The following TRPC4 variants were observed in gnomAD, a reference collection of about 807,000 sequenced individuals.
TRPC4 encodes the protein short transient receptor potential channel 4.
In TRPC4, 49 loss-of-function variants were observed where a neutral mutation model predicts 99.4. The ratio of observed to expected loss-of-function variants is 0.49; its 90% CI spans 0.39 to 0.63. TRPC4 has a LOEUF of 0.63. Among genes scored for constraint, TRPC4 ranks in the 20% least tolerant of loss-of-function variants. The probability of loss-of-function intolerance (pLI) is 0.00; values close to 1 mark genes in which losing one functional copy is unlikely to be tolerated. For synonymous variants in TRPC4, 454 were observed against 425.9 expected, an observed-to-expected ratio of 1.07 and a Z score of -0.81; for missense variants, 898 against 1,152.9, an observed-to-expected ratio of 0.78 and a Z score of 3.20.
intron 1 of TRPC4, among the ~76,000 whole-genome samples, chr13:37,855,181 G>A (rs917856460): frequency 3.3e-5 from 5 of 151,274 alleles, no homozygotes; most frequent in African/African-American, 1.2e-4. Context: ...AAGCAAGCAG[G>A]AGTAGCTACA....
intron 2 of TRPC4, among the ~76,000 whole-genome samples, chr13:37,761,969 C>G (rs2139243308): frequency 6.6e-6 from 1 of 151,882 alleles, no homozygotes; most frequent in East Asian, 1.9e-4. Flanking sequence ...ATATATACAT[C>G]AGGAATAACA....
intron 3 of TRPC4, among the ~76,000 whole-genome samples, chr13:37,729,233 G>A (rs953810254): frequency 6.6e-6 from 1 of 151,984 alleles, no homozygotes; most frequent in Non-Finnish European, 1.5e-5. Flanking sequence ...AAAGAGGCTC[G>A]ACATCATTGC....
chr13:37,651,017 A>G (rs1261768003), intron 8 of TRPC4, among the ~76,000 whole-genome samples: 4 of 152,162 alleles, frequency 2.6e-5, no homozygotes, highest in Non-Finnish European at 5.9e-5. Flanking sequence ...GAACTCAAGG[A>G]GGGCTGTGTG....
intron 1 of TRPC4, among the ~76,000 whole-genome samples, chr13:37,868,754 CCTCT>C (rs1959948217): frequency 6.6e-6 from 1 of 152,062 alleles, no homozygotes; most frequent in Admixed American, 6.5e-5. Context: ...CTGGGAAGGG[CCTCT>C]CTAAGAAGCC....
intron 5 of TRPC4, among the ~76,000 whole-genome samples, chr13:37,665,840 CAA>C (rs1168472231): frequency 0.034 from 2,441 of 70,984 alleles, 29 homozygotes; most frequent in African/African-American, 0.09. Flanking sequence ...TCAGCTGAGA[CAA>C]AAAAAAAAAA....
chr13:37,762,765 C>T (rs903753645), intron 2 of TRPC4, among the ~76,000 whole-genome samples: 1 of 146,072 alleles, frequency 6.8e-6, no homozygotes, highest in Non-Finnish European at 1.5e-5. Context: ...ATACCTAATG[C>T]TAAATGATGA....
chr13:37,733,806 C>T (rs1294943448), intron 3 of TRPC4, among the ~76,000 whole-genome samples: 2 of 152,014 alleles, frequency 1.3e-5, no homozygotes, highest in Non-Finnish European at 2.9e-5. Flanking sequence ...TAAGGTGACA[C>T]TTAGATACGG....
intron 3 of TRPC4, among the ~76,000 whole-genome samples, chr13:37,694,556 A>T (rs922430581): frequency 2.6e-5 from 4 of 151,822 alleles, no homozygotes; most frequent in East Asian, 1.9e-4. Flanking sequence ...AAAATTACCT[A>T]AAAAAAAGCA....
At chr13:37,826,508 G>T (rs1177402846) in intron 1 of TRPC4, among the ~76,000 whole-genome samples, 11 of 149,258 alleles carry the variant, frequency 7.4e-5, no homozygotes, top group East Asian at 2.0e-4. Context: ...GTCTGTAAAG[G>T]ATTTTATTTC....
rs1955721074 is a variant in TRPC4 at position 37,745,458 on chromosome 13, A to ACACACACACT, written c.897+478_897+479insAGTGTGTGTG. ...TGCGTATATATATATATATATATAT[A>ACACACACACT]TATATATATATATATACACACACAC... On this transcript the variant is annotated intron_variant, in intron 3 of 10. Coordinates refer to ENST00000379705, the MANE Select transcript of TRPC4 (RefSeq NM_016179.4). 3.3e-3 allele frequency among the ~76,000 whole-genome samples: 22 copies of ACACACACACT among 6,590 alleles called. 2 individuals carry two copies. Among genetic ancestry groups the ACACACACACT allele is most frequent in the Admixed American group, 0.02 (8 of 410 alleles). 4.3% of individuals were successfully genotyped at this position (6,590 alleles called of 152,430 possible).
At chr13:37,853,495 A>G (rs664377) in intron 1 of TRPC4, among the ~76,000 whole-genome samples, 3,308 of 152,248 alleles carry the variant, frequency 0.022, 76 homozygotes, top group African/African-American at 0.055. Context: ...TAAACACCTA[A>G]CTGTTCAATG....
chr13:37,815,718 A>C (rs571919143), intron 1 of TRPC4, among the ~76,000 whole-genome samples: 1 of 152,088 alleles, frequency 6.6e-6, no homozygotes, highest in South Asian at 2.1e-4. Flanking sequence ...TGAGGCACAA[A>C]ACTAACAAAG....
chr13:37,764,466 T>G (rs1350257256), intron 2 of TRPC4, among the ~76,000 whole-genome samples: 2 of 147,984 alleles, frequency 1.4e-5, no homozygotes. Context: ...TCATATTGGT[T>G]ACAATAATTT....
chr13:37,704,459 G>T (rs1283563267), intron 3 of TRPC4, among the ~76,000 whole-genome samples: 1 of 152,074 alleles, frequency 6.6e-6, no homozygotes, highest in Non-Finnish European at 1.5e-5. Flanking sequence ...AGCCAAGGCA[G>T]GCAGATCACT....
At chr13:37,858,439 A>G (rs556584986) in intron 1 of TRPC4, among the ~76,000 whole-genome samples, 1 of 149,006 alleles carries the variant, frequency 6.7e-6, no homozygotes, top group South Asian at 2.1e-4. Flanking sequence ...TACCCAAAAT[A>G]AAACGTATCA....
At chr13:37,688,396 C>T (rs1953564587) in intron 4 of TRPC4, among the ~76,000 whole-genome samples, 1 of 152,146 alleles carries the variant, frequency 6.6e-6, no homozygotes. Flanking sequence ...AGGCTGAATA[C>T]AGTTCTTATT....
chr13:37,814,697 A>G (rs778515382), intron 1 of TRPC4, among the ~76,000 whole-genome samples: 2 of 151,832 alleles, frequency 1.3e-5, no homozygotes, highest in Non-Finnish European at 3.0e-5. Context: ...GATCAAATAA[A>G]TGGAATGGCA....
intron 1 of TRPC4, among the ~76,000 whole-genome samples, chr13:37,810,717 G>C (rs1050189052): frequency 1.1e-4 from 16 of 152,068 alleles, no homozygotes; most frequent in African/African-American, 3.9e-4. Flanking sequence ...TGATTTGTGG[G>C]ATGCTCTTTG....
chr13:37,789,967 A>G (rs1957073191), intron 1 of TRPC4, among the ~76,000 whole-genome samples: 1 of 152,118 alleles, frequency 6.6e-6, no homozygotes. Flanking sequence ...AGTGTACCAG[A>G]TAACAGGAGA....
Sources: allele counts gnomAD v4.1 joint callset (sites outside exome capture counted in the v4.1 genomes callset), GRCh38; gene constraint gnomAD v4.1.1; transcripts MANE v1.5; gene names NCBI Gene and HGNC (gene_info 2026-07-23, HGNC 2026-07-21).